The following BCL11B variants were observed in gnomAD, a reference collection of about 807,000 sequenced individuals.
BCL11B encodes BCL11 transcription factor B, also known as B-cell lymphoma/leukemia 11B.
BCL11B carries 8 observed loss-of-function variants against 49.9 expected under a neutral mutation model. The observed-to-expected ratio is 0.16, with a 90% CI of 0.09 to 0.29. BCL11B has a LOEUF of 0.29. Among genes scored for constraint, BCL11B ranks in the 10% least tolerant of loss-of-function variants. BCL11B has a pLI of 1.00. For missense variants in BCL11B, 1,006 were observed against 1,351.0 expected, an observed-to-expected ratio of 0.74 and a Z score of 4.00; for synonymous variants, 739 against 637.4, an observed-to-expected ratio of 1.16 and a Z score of -2.40.
intron 3 of BCL11B, among the ~76,000 whole-genome samples, chr14:99,199,640 CTGTGTGTGTGTGTGTG>C (rs79328426): frequency 1.8e-5 from 2 of 109,590 alleles, no homozygotes; most frequent in East Asian, 2.3e-4. Flanking sequence ...TGGCTAAATG[CTGTGTGTGTGTGTGTG>C]TGTGTGTGTG....
Position 99,175,603 on chromosome 14 carries a change from G to GGGCGGCAGC in BCL11B, c.1224_1232dup (p.Leu409_Pro411dup). The GGGCGGCAGC allele has an allele frequency of 6.4e-7, 1 of 1,568,416 alleles. No homozygotes were observed. The highest frequency in any genetic ancestry group is 1.2e-5 in the South Asian group (1 of 86,172). ...GGGGCGGCGTGCCGCCAGGGGGCAT[G>GGGCGGCAGC]GGCGGCAGCGGCGGCGTGCTCAGGA... On this transcript the variant is annotated inframe_insertion, in exon 4 of 4. Coordinates refer to ENST00000357195, the MANE Select transcript of BCL11B (RefSeq NM_138576.4).
At chr14:99,223,077 T>C (rs1206427160) in intron 3 of BCL11B, among the ~76,000 whole-genome samples, 1 of 152,248 alleles carries the variant, frequency 6.6e-6, no homozygotes, top group Non-Finnish European at 1.5e-5. Context: ...GAAAGCTTTT[T>C]TCTCCTTTAG....
rs1295968031 is a variant in BCL11B at position 99,262,341 on chromosome 14, CAT to C, written c.59-4504_59-4503del. 6.6e-6 allele frequency among the ~76,000 whole-genome samples: 1 copy of C among 152,256 alleles called. No homozygotes were observed. The highest frequency in any genetic ancestry group is 2.4e-5 in the African/African-American group (1 of 41,474). ...ATGTGCGTGGCTGCCTGCACACACACATGTGCATTGCTACATACACAGTACGT... is the reference window on the plus strand; with the variant it reads ...ATGTGCGTGGCTGCCTGCACACACACGTGCATTGCTACATACACAGTACGT... On this transcript the variant is annotated intron_variant, in intron 1 of 3. Transcript: ENST00000357195. This position sits in a 1 kb window ranked among gnomAD's most constrained non-coding sequence, Gnocchi z 4.2.
Position 99,228,715 on chromosome 14 carries a change from A to G in BCL11B, c.640+2630T>C, listed in dbSNP as rs1888225754. ...AAGATGTGGCAGGTGCTGGATGGAG[A>G]GCCTGGGATCAAATCCCACCTCCAC... On this transcript the variant is annotated intron_variant, in intron 3 of 3. Transcript: ENST00000357195. The surrounding 1 kb of genome is among the most constrained non-coding windows in gnomAD (Gnocchi z 4.8). Among the ~76,000 whole-genome samples the G allele has an allele frequency of 6.6e-6, 1 of 152,164 alleles. No homozygotes were observed. The highest frequency in any genetic ancestry group is 6.5e-5 in the Admixed American group (1 of 15,272).
intron 1 of BCL11B, 76 bp downstream of exon 1, chr14:99,271,084 TC>T (rs1409578615): frequency 3.5e-5 from 49 of 1,415,722 alleles, no homozygotes; most frequent in African/African-American, 4.5e-5. Flanking sequence ...GCTCGGCTGT[TC>T]CGGGCTCGGT....
In BCL11B at chr14:99,257,494, C is replaced by A; in HGVS notation, c.404G>T (p.Cys135Phe). 1 of 1,608,208 alleles carries A rather than the reference C, an allele frequency of 6.2e-7. No individual in the cohort carries two copies. The highest frequency in any genetic ancestry group is 8.5e-7 in the Non-Finnish European group (1 of 1,176,110). ...DHLLSPTKGICPKQENIAGPC... is the reference protein window; with the variant it reads ...DHLLSPTKGIFPKQENIAGPC... ...ACCTGCAATGTTCTCCTGCTTGGGACAGATGCCTTTCGTGGGTGAGAGCAG... is the reference window on the plus strand; with the variant it reads ...ACCTGCAATGTTCTCCTGCTTGGGAAAGATGCCTTTCGTGGGTGAGAGCAG... Residue 135 changes from cysteine to phenylalanine, a missense_variant, in exon 2 of 4, where the codon TGT (cysteine) becomes TTT (phenylalanine). By Grantham distance (205) the Cys-to-Phe change is radical. This residue lies in a region of BCL11B where 411 missense variants were observed against 542.2 expected (regional missense o/e 0.76). Transcript: ENST00000357195. This position sits in a 1 kb window ranked among gnomAD's most constrained non-coding sequence, Gnocchi z 6.2.
At chr14:99,186,379 G>T (rs886186884) in intron 3 of BCL11B, among the ~76,000 whole-genome samples, 4 of 152,230 alleles carry the variant, frequency 2.6e-5, no homozygotes, top group African/African-American at 9.6e-5. Flanking sequence ...AAATTAGCCA[G>T]CATGGTGGCA....
rs1427260259 is a variant in BCL11B at position 99,271,329 on chromosome 14, C to T, written c.-111G>A. ...CTGCCGCCGCTGCCGCCGCCGCCGC[C>T]GCCGCCGCACCTCCTCCTCTGCCCG... On this transcript the variant is annotated 5_prime_UTR_variant, in exon 1 of 4. Transcript: ENST00000357195. The T allele has an allele frequency of 2.4e-5, 18 of 747,960 alleles. 1 individual carries two copies. Among genetic ancestry groups the T allele is most frequent in the Non-Finnish European group, 1.2e-5 (7 of 561,670 alleles). The allele number at this position is 747,960 out of a possible 1,614,324, so 46.3% of individuals were successfully genotyped here. A position where few individuals can be genotyped will look rare whatever the true frequency, so the allele number is the denominator to read the frequency against.
At chr14:99,222,455 G>A (rs895053681) in intron 3 of BCL11B, among the ~76,000 whole-genome samples, 5 of 152,194 alleles carry the variant, frequency 3.3e-5, no homozygotes, top group Non-Finnish European at 5.9e-5. Context: ...TGGAGAGACA[G>A]AGATGAGCCT....
chr14:99,267,841 C>T (rs1403251192), intron 1 of BCL11B, among the ~76,000 whole-genome samples: 1 of 152,180 alleles, frequency 6.6e-6, no homozygotes, highest in Non-Finnish European at 1.5e-5. Flanking sequence ...CCTAGGAAAC[C>T]TGTTGGTGGG....
At chr14:99,219,387 G>A (rs976428155) in intron 3 of BCL11B, among the ~76,000 whole-genome samples, 5 of 152,204 alleles carry the variant, frequency 3.3e-5, no homozygotes, top group African/African-American at 7.2e-5. Flanking sequence ...CATTTGCTAC[G>A]GCAGCCCTGG....
In BCL11B at chr14:99,232,195, A is replaced by G. The variant is rs1888360042; in HGVS notation, c.428-638T>C. Among the ~76,000 whole-genome samples, 1 of 151,124 alleles carries G rather than the reference A, an allele frequency of 6.6e-6. No homozygotes were observed. Among genetic ancestry groups the G allele is most frequent in the Non-Finnish European group, 1.5e-5 (1 of 67,720 alleles). ...CAGAAGGCTTTCACACCCCCCTACC[A>G]CACCCCAAGAAAACCCTGGCGCTGC... On this transcript the variant is annotated intron_variant, in intron 2 of 3. Coordinates refer to ENST00000357195, the MANE Select transcript of BCL11B (RefSeq NM_138576.4). This position sits in a 1 kb window ranked among gnomAD's most constrained non-coding sequence, Gnocchi z 5.1.
At chr14:99,208,669 A>C (rs1339193808) in intron 3 of BCL11B, among the ~76,000 whole-genome samples, 1 of 152,234 alleles carries the variant, frequency 6.6e-6, no homozygotes, top group Non-Finnish European at 1.5e-5. Context: ...CTGTCCGGGC[A>C]GGCTCGGGGC....
chr14:99,180,801 A>T (rs1199263484), intron 3 of BCL11B, among the ~76,000 whole-genome samples: 1 of 152,186 alleles, frequency 6.6e-6, no homozygotes, highest in African/African-American at 2.4e-5. Context: ...GAAACCCTGG[A>T]GGACATTTAA....
chr14:99,180,497 A>G (rs966940824), intron 3 of BCL11B, among the ~76,000 whole-genome samples: 12 of 152,188 alleles, frequency 7.9e-5, no homozygotes, highest in African/African-American at 2.9e-4. Flanking sequence ...ACCCTGGACA[A>G]CAGCAGTGCG....
rs1410885264 is a variant in BCL11B, at chr14:99,175,086, C to T, written c.1750G>A (p.Ala584Thr). 1.2e-6 allele frequency: 2 copies of T among 1,600,116 alleles called. No homozygotes were observed. The highest frequency in any genetic ancestry group is 1.7e-6 in the Non-Finnish European group (2 of 1,177,086). The change falls in exon 4 of 4, where the codon GCC (alanine) becomes ACC (threonine). Residue 584 changes from alanine (A) to threonine (T), a missense_variant. By Grantham distance (58) the Ala-to-Thr change is moderately conservative. This residue lies in a region of BCL11B where 443 missense variants were observed against 499.7 expected (regional missense o/e 0.89). Transcript: ENST00000357195. ...PGVPGAGGGA[A>T]KALADEKALV... ...GCCTTCTCGTCAGCCAGCGCCTTGG[C>T]CGCGCCGCCCCCCGCGCCCGGGACC...
At position 99,183,736 on chromosome 14, in the gene BCL11B, G is replaced by A. The variant is rs957088075; in HGVS notation, c.641-7541C>T. ...GACTGGAACTTGGGACTTTCTCTGC[G>A]TTTTCTCATGGTCAGCGTTCCTGAA... On this transcript the variant is annotated intron_variant, in intron 3 of 3. Coordinates refer to ENST00000357195, the MANE Select transcript of BCL11B (RefSeq NM_138576.4). Among the ~76,000 whole-genome samples the A allele has an allele frequency of 4.6e-5, 7 of 152,122 alleles. No individual in the cohort carries two copies. In the South Asian group the frequency reaches 6.2e-4, roughly 14 times the overall value.
intron 3 of BCL11B, among the ~76,000 whole-genome samples, chr14:99,181,801 C>T (rs1369020296): frequency 1.3e-5 from 2 of 152,216 alleles, no homozygotes; most frequent in African/African-American, 2.4e-5. Flanking sequence ...CCCCCTGTGG[C>T]AGCTCCCTTC....
chr14:99,230,885 C>A (rs1309478414), intron 3 of BCL11B, among the ~76,000 whole-genome samples: 3 of 152,140 alleles, frequency 2.0e-5, no homozygotes, highest in Non-Finnish European at 4.4e-5. Flanking sequence ...ATGGGCAACA[C>A]ATTCTCCCAA....
Sources: allele counts gnomAD v4.1 joint callset (sites outside exome capture counted in the v4.1 genomes callset), GRCh38; gene constraint gnomAD v4.1.1; regional missense constraint gnomAD v4.1.1; non-coding constraint Gnocchi (gnomAD v3.1); transcripts MANE v1.5; gene names NCBI Gene and HGNC (gene_info 2026-07-23, HGNC 2026-07-21).